The following TANC2 variants were observed in gnomAD, a reference collection of about 807,000 sequenced individuals.
TANC2 encodes the protein protein TANC2.
A neutral mutation model predicts 210.5 loss-of-function variants in TANC2; 26 were observed. That is an observed-to-expected ratio of 0.12 (90% CI 0.09 to 0.17). The LOEUF (loss-of-function observed/expected upper bound fraction) is 0.17. TANC2 is among the 10% of genes least tolerant of loss of function. TANC2 has a pLI of 1.00. For missense variants in TANC2, 2,129 were observed against 2,608.9 expected, an observed-to-expected ratio of 0.82 and a Z score of 4.01; for synonymous variants, 931 against 967.1, an observed-to-expected ratio of 0.96 and a Z score of 0.69.
rs775006469 is a variant in TANC2 at position 63,200,975 on chromosome 17, T to C, written c.769+18T>C. ...CATCATTGGTGAGTTGGTTTTTATA[T>C]TGATAATTTTGTGTCCTTTTTTTCC... On this transcript the variant is annotated intron_variant, in intron 7 of 27. Coordinates refer to ENST00000689528, the Ensembl canonical transcript of TANC2. The C allele has an allele frequency of 1.9e-6, 3 of 1,580,892 alleles. No homozygotes were observed. Among genetic ancestry groups the C allele is most frequent in the Non-Finnish European group, 2.6e-6 (3 of 1,165,136 alleles).
chr17:63,018,384 G>A (rs1396738908), intron 2 of TANC2, among the ~76,000 whole-genome samples: 1 of 151,778 alleles, frequency 6.6e-6, no homozygotes. Flanking sequence ...AGGAGGCTGA[G>A]AGAGGAGAAT....
intron 2 of TANC2, among the ~76,000 whole-genome samples, chr17:63,053,399 A>G (rs1401138748): frequency 2.6e-5 from 4 of 152,202 alleles, no homozygotes; most frequent in East Asian, 3.8e-4. Context: ...ACCTATCAAT[A>G]TTTAATATTT....
chr17:63,408,344 AGAG>A (rs1342441505), intron 21 of TANC2, among the ~76,000 whole-genome samples: 1 of 152,200 alleles, frequency 6.6e-6, no homozygotes, highest in Non-Finnish European at 1.5e-5. Context: ...GAAAGAAAAG[AGAG>A]AAGAGGAAGA....
chr17:62,973,147 A>C (rs957225543), intron 1 of TANC2, among the ~76,000 whole-genome samples: 6 of 151,598 alleles, frequency 4.0e-5, no homozygotes, highest in African/African-American at 1.5e-4. Flanking sequence ...CTCCTGCCTC[A>C]GCCTCCTGAG....
At chr17:63,367,209 C>T (rs1406299410) in intron 14 of TANC2, among the ~76,000 whole-genome samples, 1 of 152,158 alleles carries the variant, frequency 6.6e-6, no homozygotes, top group African/African-American at 2.4e-5. Context: ...TGAGCTTCTT[C>T]TCCTCTACAC....
At chr17:63,168,235 T>G (rs1000110800) in intron 5 of TANC2, among the ~76,000 whole-genome samples, 13 of 152,180 alleles carry the variant, frequency 8.5e-5, no homozygotes, top group African/African-American at 2.9e-4. Context: ...GGCAGTAGTT[T>G]CGGAGGAGAG....
chr17:63,044,727 A>G lies in TANC2; in HGVS notation c.68-29216A>G, dbSNP rs1004830588. Among the ~76,000 whole-genome samples the G allele has an allele frequency of 3.9e-5, 6 of 152,180 alleles. No homozygotes were observed. In the East Asian group the frequency reaches 7.7e-4, roughly 20 times the overall value. Reference sequence around the variant, plus strand: ...TGTCTGAGAGTTTTTTCTTTTTCCTATCCAGTAGTCATATGGTCAGATTTC... The same window carrying G: ...TGTCTGAGAGTTTTTTCTTTTTCCTGTCCAGTAGTCATATGGTCAGATTTC... On this transcript the variant is annotated intron_variant, in intron 2 of 27. Transcript: ENST00000689528.
In TANC2 at chr17:63,362,202, C is replaced by T. The variant is rs192152486; in HGVS notation, c.2582+6812C>T. 1.4e-4 allele frequency among the ~76,000 whole-genome samples: 22 copies of T among 152,328 alleles called. No individual in the cohort carries two copies. In the East Asian group the frequency reaches 4.1e-3, roughly 28 times the overall value. ...TGTTCAGCTCTCAGGGGAGAGGAGA[C>T]ATGGAGTGGGTAGCTCCTATCTGCA... On this transcript the variant is annotated intron_variant, in intron 14 of 27. Transcript: ENST00000689528.
At chr17:63,379,066 G>C (rs2147074943) in intron 14 of TANC2, among the ~76,000 whole-genome samples, 2 of 152,324 alleles carry the variant, frequency 1.3e-5, no homozygotes, top group Middle Eastern at 3.4e-3. Context: ...GGAAAGAATA[G>C]GACCAAGAAT....
At chr17:63,220,074 C>A (rs1359336340) in intron 7 of TANC2, among the ~76,000 whole-genome samples, 2 of 152,016 alleles carry the variant, frequency 1.3e-5, no homozygotes, top group African/African-American at 4.8e-5. Context: ...GTGGGTGGAT[C>A]ACCGGAGGTC....
At chr17:63,093,489 C>G (rs1295880699) in intron 3 of TANC2, among the ~76,000 whole-genome samples, 1 of 152,108 alleles carries the variant, frequency 6.6e-6, no homozygotes, top group Non-Finnish European at 1.5e-5. Context: ...GTTTTTCTAA[C>G]ACCATCTAAG....
intron 2 of TANC2, among the ~76,000 whole-genome samples, chr17:63,062,159 T>C (rs917035807): frequency 2.7e-4 from 41 of 152,152 alleles, no homozygotes; most frequent in African/African-American, 9.9e-4. Flanking sequence ...TTTCCTGTCT[T>C]TGGGATTTGA....
At chr17:63,085,687 G>T (rs1296061912) in intron 3 of TANC2, among the ~76,000 whole-genome samples, 2 of 151,782 alleles carry the variant, frequency 1.3e-5, no homozygotes, top group Admixed American at 6.6e-5. Context: ...ATGTGTGTCT[G>T]TATGTGTGTG....
intron 3 of TANC2, among the ~76,000 whole-genome samples, chr17:63,078,860 A>T (rs2036663750): frequency 6.6e-6 from 1 of 152,204 alleles, no homozygotes; most frequent in African/African-American, 2.4e-5. Flanking sequence ...AAAGTGTATT[A>T]TGCTGTTTTA....
intron 8 of TANC2, among the ~76,000 whole-genome samples, chr17:63,257,136 A>T (rs2043219053): frequency 6.9e-6 from 1 of 144,138 alleles, no homozygotes. Context: ...AGTTTATTCC[A>T]TTTACGTTCA....
At chr17:63,145,491 C>T (rs753146958) in intron 4 of TANC2, among the ~76,000 whole-genome samples, 16 of 152,048 alleles carry the variant, frequency 1.1e-4, no homozygotes, top group Non-Finnish European at 2.4e-4. Context: ...CTTTACAATT[C>T]TATAGTTCAA....
intron 13 of TANC2, 25 bp from the exon 14 acceptor site, chr17:63,354,757 CT>C (rs771755787): frequency 5.4e-5 from 82 of 1,531,732 alleles, no homozygotes; most frequent in Non-Finnish European, 6.7e-5. Flanking sequence ...GTCTTTCTGT[CT>C]CTTTCTCTCT....
chr17:63,179,718 A>G (rs1286633084), intron 5 of TANC2, among the ~76,000 whole-genome samples: 1 of 152,138 alleles, frequency 6.6e-6, no homozygotes, highest in Non-Finnish European at 1.5e-5. Context: ...CTACTGTTCA[A>G]TGTCAAACTC....
At chr17:63,396,089 AC>A in intron 18 of TANC2, 161 bp downstream of exon 18, 1 of 663,700 alleles carries the variant, frequency 1.5e-6, no homozygotes, top group Non-Finnish European at 2.5e-6. Context: ...GAAGCACTTT[AC>A]TCAAATGCCA....
Sources: allele counts gnomAD v4.1 joint callset (sites outside exome capture counted in the v4.1 genomes callset), GRCh38; gene constraint gnomAD v4.1.1; transcripts MANE v1.5; gene names NCBI Gene and HGNC (gene_info 2026-07-23, HGNC 2026-07-21).